Variants in PTCHD4 observed in about 807,000 individuals in gnomAD.
The protein encoded by PTCHD4 is patched domain containing 4.
A neutral mutation model predicts 58.1 loss-of-function variants in PTCHD4; 33 were observed. The ratio of observed to expected loss-of-function variants is 0.57; its 90% CI spans 0.43 to 0.76. The LOEUF is 0.76. Ranked by LOEUF, PTCHD4 falls within the 30% of genes least tolerant of loss-of-function variation. PTCHD4 has a pLI of 0.00. For synonymous variants in PTCHD4, 478 were observed against 409.6 expected (o/e 1.17, Z -2.02); for missense variants, 1,058 against 1,027.1 (o/e 1.03, Z -0.41).
rs534028465 is a variant in PTCHD4 at position 48,074,665 on chromosome 6, G to GTTTGT, written c.-969-4744_-969-4740dup. ...ATTGTCACGGGGGAGTTTATGCAGAGTTTGTTTTGTTTTGTTTTGTTTTGT... is the reference window on the plus strand; with the variant it reads ...ATTGTCACGGGGGAGTTTATGCAGAGTTTGTTTTGTTTTGTTTTGTTTTGTTTTGT... On this transcript the variant is annotated intron_variant, in intron 1 of 4. Coordinates refer to ENST00000339488, the MANE Select transcript of PTCHD4 (RefSeq NM_001384253.1). Among the ~76,000 whole-genome samples, 823 of 152,262 alleles carry GTTTGT rather than the reference G, an allele frequency of 5.4e-3. 8 individuals are homozygous for GTTTGT. Among genetic ancestry groups the GTTTGT allele is most frequent in the African/African-American group, 0.018 (759 of 41,534 alleles).
Position 47,865,068 on chromosome 6 carries a change from T to A in PTCHD4, c.*13235A>T, listed in dbSNP as rs2114065731. ...CTAAATTCCCTGAAATGCAAATAAA[T>A]CTCAAGAATTATTTGCTAATTAAAT... On this transcript the variant is annotated 3_prime_UTR_variant, in exon 5 of 5. Coordinates refer to ENST00000339488, the MANE Select transcript of PTCHD4 (RefSeq NM_001384253.1). Among the ~76,000 whole-genome samples the A allele has an allele frequency of 6.6e-6, 1 of 151,982 alleles. No homozygotes were observed. Among genetic ancestry groups the A allele is most frequent in the Non-Finnish European group, 1.5e-5 (1 of 67,884 alleles).
chr6:47,996,666 C>T (rs1768499577), intron 4 of PTCHD4, among the ~76,000 whole-genome samples: 1 of 152,162 alleles, frequency 6.6e-6, no homozygotes, highest in Non-Finnish European at 1.5e-5. Flanking sequence ...AGCTGCCCTA[C>T]TTACCTCTTG....
chr6:48,068,265 T>C lies in PTCHD4; in HGVS notation c.382A>G (p.Ile128Val). ...AGCACGGCTCGGTGGGTCTGCAGGA[T>C]CCCCTCAGCCTGGAGCAAAATATTG... ...GDNILLQAEG[I>V]LQTHRAVLEM... Residue 128 changes from isoleucine to valine, a missense_variant, in exon 3 of 5, where the codon ATC (isoleucine) becomes GTC (valine). Ile to Val is a conservative substitution (Grantham distance 29). Transcript: ENST00000339488. The surrounding 1 kb of genome is among the most constrained non-coding windows in gnomAD (Gnocchi z 4.2). The C allele has an allele frequency of 1.3e-6, 2 of 1,596,094 alleles. No individual in the cohort carries two copies. Among genetic ancestry groups the C allele is most frequent in the Non-Finnish European group, 1.7e-6 (2 of 1,167,910 alleles).
At chr6:48,051,324 A>T (rs1216671225) in intron 3 of PTCHD4, among the ~76,000 whole-genome samples, 2 of 152,016 alleles carry the variant, frequency 1.3e-5, no homozygotes, top group Admixed American at 6.6e-5. Flanking sequence ...AGTCCTTATT[A>T]AAAATGCTCA....
At chr6:48,038,171 T>C (rs990875624) in intron 3 of PTCHD4, among the ~76,000 whole-genome samples, 5 of 151,996 alleles carry the variant, frequency 3.3e-5, no homozygotes, top group African/African-American at 1.2e-4. Flanking sequence ...GAAAACATTG[T>C]CGAATGATGC....
At chr6:47,967,893 A>G (rs1767354724) in intron 4 of PTCHD4, among the ~76,000 whole-genome samples, 1 of 152,248 alleles carries the variant, frequency 6.6e-6, no homozygotes, top group South Asian at 2.1e-4. Context: ...GATCTTCCTT[A>G]CAGACCACTA....
intron 4 of PTCHD4, among the ~76,000 whole-genome samples, chr6:47,960,636 C>A: frequency 6.6e-6 from 1 of 151,676 alleles, no homozygotes; most frequent in Non-Finnish European, 1.5e-5. Context: ...ATTATTCCTG[C>A]AATATAATAC....
chr6:47,990,953 G>T (rs1481688447), intron 4 of PTCHD4, among the ~76,000 whole-genome samples: 1 of 152,140 alleles, frequency 6.6e-6, no homozygotes, highest in Non-Finnish European at 1.5e-5. Flanking sequence ...TTAGCAAACT[G>T]TTCTATCAGA....
intron 1 of PTCHD4, among the ~76,000 whole-genome samples, chr6:48,073,539 G>C (rs544170433): frequency 6.6e-6 from 1 of 152,274 alleles, no homozygotes; most frequent in South Asian, 2.1e-4. Flanking sequence ...AACATGCTAA[G>C]CCTCCAAAGC....
intron 4 of PTCHD4, among the ~76,000 whole-genome samples, chr6:47,965,040 A>T (rs144740267): frequency 3.1e-3 from 467 of 152,196 alleles, no homozygotes; most frequent in Non-Finnish European, 6.1e-3. Flanking sequence ...GCCAGTTGTT[A>T]TTTGGAAAAT....
chr6:48,033,116 G>A (rs1763510084), intron 3 of PTCHD4, among the ~76,000 whole-genome samples: 1 of 152,002 alleles, frequency 6.6e-6, no homozygotes, highest in South Asian at 2.1e-4. Context: ...ATTTATACAT[G>A]AAATTCAAAA....
intron 4 of PTCHD4, among the ~76,000 whole-genome samples, chr6:47,944,386 A>G (rs1766342488): frequency 6.6e-6 from 1 of 152,164 alleles, no homozygotes; most frequent in South Asian, 2.1e-4. Flanking sequence ...TTTTTGAAAC[A>G]TTTATTAGAT....
At chr6:48,067,742 C>A (rs1286601353) in intron 3 of PTCHD4, among the ~76,000 whole-genome samples, 1 of 152,140 alleles carries the variant, frequency 6.6e-6, no homozygotes, top group Non-Finnish European at 1.5e-5. Context: ...ATTCCCCCTC[C>A]CCCTTCCATT....
Position 47,875,710 on chromosome 6 carries a change from T to C in PTCHD4, c.*2593A>G, listed in dbSNP as rs1763830255. ...TGTTTTTCCCTATCTAAACAGAGAC[T>C]ATCTGGATGGAGACATAATATTAGA... On this transcript the variant is annotated 3_prime_UTR_variant, in exon 5 of 5. Transcript: ENST00000339488. Among the ~76,000 whole-genome samples, 1 of 151,868 alleles carries C rather than the reference T, an allele frequency of 6.6e-6. No individual in the cohort carries two copies. The highest frequency in any genetic ancestry group is 3.2e-3 in the Middle Eastern group (1 of 316).
At chr6:47,929,909 G>C (rs1765751758) in intron 4 of PTCHD4, among the ~76,000 whole-genome samples, 1 of 152,216 alleles carries the variant, frequency 6.6e-6, no homozygotes. Context: ...GACCATGCTA[G>C]ACAGAAGCAG....
chr6:47,888,643 G>C (rs1286356720), intron 4 of PTCHD4, among the ~76,000 whole-genome samples: 7 of 151,922 alleles, frequency 4.6e-5, no homozygotes. Context: ...TTGTTTGTTT[G>C]TTTGTTTTTG....
At chr6:48,088,342 T>A (rs1765300729) in intron 1 of PTCHD4, among the ~76,000 whole-genome samples, 2 of 152,212 alleles carry the variant, frequency 1.3e-5, no homozygotes, top group Non-Finnish European at 2.9e-5. Context: ...GGAAATCTAA[T>A]GAAAATCCTA....
chr6:47,864,329 C>CACACACACAT lies in PTCHD4; in HGVS notation c.*13973_*13974insATGTGTGTGT, dbSNP rs1253859265. Among the ~76,000 whole-genome samples the CACACACACAT allele has an allele frequency of 6.6e-6, 1 of 151,118 alleles. No homozygotes were observed. Among genetic ancestry groups the CACACACACAT allele is most frequent in the African/African-American group, 2.4e-5 (1 of 41,112 alleles). The stretch of plus-strand genomic sequence containing the variant: ...AGATATATATATACACACACACACA[C>CACACACACAT]ATATATATATATGGCTATTTCACCT... On this transcript the variant is annotated 3_prime_UTR_variant, in exon 5 of 5. Transcript: ENST00000339488.
intron 3 of PTCHD4, among the ~76,000 whole-genome samples, chr6:48,055,692 T>C (rs1764384085): frequency 6.6e-6 from 1 of 152,226 alleles, no homozygotes; most frequent in Non-Finnish European, 1.5e-5. Context: ...GTATGCTCTA[T>C]CTATAAAAGG....
Sources: allele counts gnomAD v4.1 joint callset (sites outside exome capture counted in the v4.1 genomes callset), GRCh38; gene constraint gnomAD v4.1.1; non-coding constraint Gnocchi (gnomAD v3.1); transcripts MANE v1.5; gene names NCBI Gene and HGNC (gene_info 2026-07-23, HGNC 2026-07-21).